The following RABGAP1L variants were observed in gnomAD, a reference collection of about 807,000 sequenced individuals.
RABGAP1L encodes the protein RAB GTPase activating protein 1 like, also known as rab GTPase-activating protein 1-like.
RABGAP1L carries 63 observed loss-of-function variants against 137.7 expected under a neutral mutation model. That is an observed-to-expected ratio of 0.46 (90% CI 0.37 to 0.56). RABGAP1L has a LOEUF of 0.56. RABGAP1L is among the 20% of genes least tolerant of loss of function. The pLI is 0.00. For missense variants in RABGAP1L, 1,095 were observed against 1,244.0 expected (o/e 0.88, Z 1.80); for synonymous variants, 431 against 433.7 (o/e 0.99, Z 0.08).
chr1:174,676,968 A>C (rs555046127), intron 14 of RABGAP1L, among the ~76,000 whole-genome samples: 13 of 152,242 alleles, frequency 8.5e-5, no homozygotes, highest in Non-Finnish European at 1.9e-4. Context: ...AGTTGGACAA[A>C]TGGATAGAAC....
At chr1:174,590,336 C>CT (rs1158642763) in intron 13 of RABGAP1L, among the ~76,000 whole-genome samples, 1,807 of 125,916 alleles carry the variant, frequency 0.014, 28 homozygotes, top group African/African-American at 0.045. Context: ...GTTTTTTTTT[C>CT]TTTTTTTTTT....
rs10556099 is a variant in RABGAP1L at position 174,981,550 on chromosome 1, C to CTTTTTTTTTTTTTTTTTTTTTTT, written c.2734-1275_2734-1253dup. Among the ~76,000 whole-genome samples, 13 of 66,434 alleles carry CTTTTTTTTTTTTTTTTTTTTTTT rather than the reference C, an allele frequency of 2.0e-4. 2 individuals are homozygous for CTTTTTTTTTTTTTTTTTTTTTTT. In the East Asian group the frequency reaches 2.0e-3, roughly 10 times the overall value. 43.6% of individuals were successfully genotyped at this position (66,434 alleles called of 152,430 possible). A position where few individuals can be genotyped will look rare whatever the true frequency, so the allele number is the denominator to read the frequency against. ...AATTTCACATCCCCTGTTTTTCCAT[C>CTTTTTTTTTTTTTTTTTTTTTTT]TTTTTTTTTTTTTTTTTTTTTTTTT... On this transcript the variant is annotated intron_variant, in intron 23 of 25. Transcript: ENST00000681986.
chr1:174,347,490 TGTGTGTG>T (rs1558151258), intron 11 of RABGAP1L, among the ~76,000 whole-genome samples: 9 of 151,430 alleles, frequency 5.9e-5, no homozygotes, highest in Admixed American at 1.3e-4. Flanking sequence ...TGTGTGTGTG[TGTGTGTG>T]TGTTTTTTTC....
chr1:174,355,695 A>C (rs747640552), intron 11 of RABGAP1L, among the ~76,000 whole-genome samples: 2 of 152,134 alleles, frequency 1.3e-5, no homozygotes, highest in African/African-American at 4.8e-5. Flanking sequence ...TGACTGCCCT[A>C]GGTCTCGAGT....
intron 1 of RABGAP1L, among the ~76,000 whole-genome samples, chr1:174,207,161 A>G (rs1233117680): frequency 6.6e-6 from 1 of 152,186 alleles, no homozygotes; most frequent in Non-Finnish European, 1.5e-5. Context: ...CTGAAGAAAC[A>G]TAAAAATCTT....
chr1:174,792,930 C>T (rs1051551454), intron 18 of RABGAP1L, among the ~76,000 whole-genome samples: 2 of 152,072 alleles, frequency 1.3e-5, no homozygotes, highest in Non-Finnish European at 2.9e-5. Context: ...GTCAGGAGTT[C>T]GAGACCAGCC....
chr1:174,261,450 A>G (rs1253888800), intron 7 of RABGAP1L, among the ~76,000 whole-genome samples: 2 of 152,188 alleles, frequency 1.3e-5, no homozygotes, highest in Non-Finnish European at 1.5e-5. Context: ...CACAAACTAT[A>G]TAATGAGAAA....
chr1:174,422,303 G>A (rs1454356038), intron 13 of RABGAP1L, among the ~76,000 whole-genome samples: 2 of 151,646 alleles, frequency 1.3e-5, no homozygotes, highest in Non-Finnish European at 2.9e-5. Context: ...AATCTTCTCT[G>A]CCTATTGGGT....
chr1:174,193,796 T>C (rs1178335911), intron 1 of RABGAP1L, among the ~76,000 whole-genome samples: 3 of 152,194 alleles, frequency 2.0e-5, no homozygotes, highest in African/African-American at 7.2e-5. Context: ...ACCTGTCATT[T>C]GAAATAGGAG....
chr1:174,952,364 A>AT (rs781315054), intron 19 of RABGAP1L, among the ~76,000 whole-genome samples: 11 of 146,316 alleles, frequency 7.5e-5, no homozygotes, highest in Admixed American at 1.4e-4. Context: ...AAAAAAAAAA[A>AT]GCTAGGCATG....
chr1:174,733,318 G>A (rs933976522), intron 17 of RABGAP1L, among the ~76,000 whole-genome samples: 3 of 152,226 alleles, frequency 2.0e-5, no homozygotes, highest in Non-Finnish European at 4.4e-5. Context: ...TCCCTCTCCA[G>A]CTTCATCCCT....
intron 13 of RABGAP1L, among the ~76,000 whole-genome samples, chr1:174,441,288 G>A (rs755747382): frequency 6.6e-6 from 1 of 151,878 alleles, no homozygotes; most frequent in African/African-American, 2.4e-5. Context: ...AAAATGAAGC[G>A]AATTATGCCT....
chr1:174,642,683 T>C (rs997535731), intron 14 of RABGAP1L, among the ~76,000 whole-genome samples: 1 of 142,206 alleles, frequency 7.0e-6, no homozygotes, highest in African/African-American at 2.6e-5. Context: ...TCCTCTCCTC[T>C]CCTTTCTCTG....
intron 13 of RABGAP1L, among the ~76,000 whole-genome samples, chr1:174,584,310 A>C (rs10489264): frequency 0.35 from 53,657 of 152,048 alleles, 12,107 homozygotes; most frequent in African/African-American, 0.64. Context: ...ATTTAAGCCA[A>C]AGTCTATAAA....
chr1:174,322,763 T>A (rs781304753), intron 11 of RABGAP1L, among the ~76,000 whole-genome samples: 38 of 152,098 alleles, frequency 2.5e-4, no homozygotes, highest in Non-Finnish European at 4.7e-4. Flanking sequence ...TCAGCTGACA[T>A]GAATGGATAA....
intron 15 of RABGAP1L, among the ~76,000 whole-genome samples, chr1:174,692,369 A>G (rs919394543): frequency 5.3e-5 from 8 of 152,188 alleles, no homozygotes; most frequent in African/African-American, 1.9e-4. Context: ...AAGAGAAATA[A>G]CAAAGTGCCA....
At chr1:174,386,418 T>C (rs1288629605) in intron 12 of RABGAP1L, among the ~76,000 whole-genome samples, 1 of 152,072 alleles carries the variant, frequency 6.6e-6, no homozygotes, top group Non-Finnish European at 1.5e-5. Context: ...TCATATCAAG[T>C]AAATGACAGA....
At chr1:174,617,024 A>C (rs1205218593) in intron 13 of RABGAP1L, among the ~76,000 whole-genome samples, 1 of 152,194 alleles carries the variant, frequency 6.6e-6, no homozygotes, top group African/African-American at 2.4e-5. Flanking sequence ...GCAAAGCAGA[A>C]GACAAGAAGT....
At chr1:174,601,409 C>T (rs1430782168) in intron 13 of RABGAP1L, among the ~76,000 whole-genome samples, 2 of 152,098 alleles carry the variant, frequency 1.3e-5, no homozygotes, top group East Asian at 1.9e-4. Context: ...TTTTTCCAAA[C>T]ACTGCATGTT....
Sources: gnomAD v4.1 joint callset for allele counts (sites outside exome capture counted in the v4.1 genomes callset) on GRCh38, gnomAD v4.1.1 for gene constraint, MANE v1.5 for transcripts, NCBI Gene and HGNC (gene_info 2026-07-23, HGNC 2026-07-21) for gene names.